CAMK1D: variants seen among roughly 807,000 people sequenced by gnomAD.
CAMK1D encodes the protein calcium/calmodulin-dependent protein kinase type 1D.
In CAMK1D, 9 loss-of-function variants were observed where a neutral mutation model predicts 47.7. The ratio of observed to expected loss-of-function variants is 0.19; its 90% confidence interval spans 0.11 to 0.33. The LOEUF is 0.33. Among genes scored for constraint, CAMK1D ranks in the 10% least tolerant of loss-of-function variants. The pLI, the probability that CAMK1D is intolerant of heterozygous loss-of-function variation, is 1.00. For synonymous variants in CAMK1D, 184 were observed against 184.9 expected, an observed-to-expected ratio of 0.99 and a Z score of 0.04; for missense variants, 291 against 488.7, an observed-to-expected ratio of 0.60 and a Z score of 3.81.
At chr10:12,353,367 A>C (rs948369809) in intron 1 of CAMK1D, among the ~76,000 whole-genome samples, 9 of 152,198 alleles carry the variant, frequency 5.9e-5, no homozygotes, top group Admixed American at 1.3e-4. Flanking sequence ...TGTATTTAAA[A>C]TAAAGCATTG....
chr10:12,670,505 A>G (rs1245645166), intron 3 of CAMK1D, among the ~76,000 whole-genome samples: 1 of 151,772 alleles, frequency 6.6e-6, no homozygotes, highest in African/African-American at 2.4e-5. Context: ...AAATTCATGG[A>G]AATCTGATTT....
At chr10:12,528,315 G>C (rs1023764953) in intron 1 of CAMK1D, among the ~76,000 whole-genome samples, 1 of 152,216 alleles carries the variant, frequency 6.6e-6, no homozygotes, top group Admixed American at 6.5e-5. Context: ...AATTGCCATA[G>C]GGATAAATGT....
chr10:12,433,034 C>T (rs1244573847), intron 1 of CAMK1D, among the ~76,000 whole-genome samples: 1 of 152,298 alleles, frequency 6.6e-6, no homozygotes, highest in East Asian at 1.9e-4. Context: ...CAGACTGTGC[C>T]CAGATGTGTT....
intron 2 of CAMK1D, among the ~76,000 whole-genome samples, chr10:12,665,491 G>A (rs1363916185): frequency 6.6e-6 from 1 of 152,180 alleles, no homozygotes; most frequent in African/African-American, 2.4e-5. Context: ...TCTGTGCTAG[G>A]CACCAGGAGC....
intron 3 of CAMK1D, among the ~76,000 whole-genome samples, chr10:12,683,231 T>TGC (rs1832517104): frequency 1.3e-5 from 2 of 151,890 alleles, no homozygotes; most frequent in African/African-American, 4.8e-5. Context: ...GGACTACAGG[T>TGC]GCGCACCACC....
At chr10:12,435,004 G>T (rs1453206245) in intron 1 of CAMK1D, among the ~76,000 whole-genome samples, 2 of 152,062 alleles carry the variant, frequency 1.3e-5, no homozygotes, top group Non-Finnish European at 2.9e-5. Flanking sequence ...GATCACCTGA[G>T]GTCAGGAGTT....
intron 1 of CAMK1D, among the ~76,000 whole-genome samples, chr10:12,492,281 C>T (rs183823862): frequency 3.5e-4 from 53 of 150,910 alleles, no homozygotes; most frequent in East Asian, 2.7e-3. Context: ...CTGCTATTGC[C>T]GCCATGGACA....
chr10:12,559,515 C>T lies in CAMK1D; in HGVS notation c.224+6159C>T, dbSNP rs996422376. On this transcript the variant is annotated intron_variant, in intron 2 of 10. Coordinates refer to ENST00000619168, the MANE Select transcript of CAMK1D (RefSeq NM_153498.4). ...AGGGTGGAGCTGCTCCGTATGATGA[C>T]TAGGAGTGTGGGCAGATGTGTACAG... 1.2e-4 allele frequency among the ~76,000 whole-genome samples: 19 copies of T among 152,116 alleles called. 1 individual carries two copies. Among genetic ancestry groups the T allele is most frequent in the African/African-American group, 4.1e-4 (17 of 41,390 alleles).
intron 2 of CAMK1D, among the ~76,000 whole-genome samples, chr10:12,645,431 G>C (rs1839785907): frequency 6.6e-6 from 1 of 152,162 alleles, no homozygotes; most frequent in Non-Finnish European, 1.5e-5. Context: ...TGACATGTGG[G>C]ATTCACTGGT....
chr10:12,698,274 A>T (rs1399460270), intron 3 of CAMK1D, among the ~76,000 whole-genome samples: 1 of 152,196 alleles, frequency 6.6e-6, no homozygotes, highest in African/African-American at 2.4e-5. Context: ...TGTTTAAGAC[A>T]TTTACAGTTA....
At chr10:12,699,993 T>A (rs1359101158) in intron 3 of CAMK1D, among the ~76,000 whole-genome samples, 3 of 149,484 alleles carry the variant, frequency 2.0e-5, no homozygotes. Context: ...ACATTTATTT[T>A]GGTGCAAAAA....
intron 1 of CAMK1D, among the ~76,000 whole-genome samples, chr10:12,457,070 A>G (rs1833272649): frequency 6.6e-6 from 1 of 152,134 alleles, no homozygotes; most frequent in Admixed American, 6.5e-5. Context: ...GTGGAACGCT[A>G]TGCAGCTGTT....
chr10:12,616,088 G>A (rs1190900642), intron 2 of CAMK1D, among the ~76,000 whole-genome samples: 1 of 151,704 alleles, frequency 6.6e-6, no homozygotes, highest in Non-Finnish European at 1.5e-5. Flanking sequence ...GTGTATTGGT[G>A]TGTATAGGTG....
At chr10:12,549,652 C>T (rs536183596) in intron 1 of CAMK1D, among the ~76,000 whole-genome samples, 4 of 152,322 alleles carry the variant, frequency 2.6e-5, no homozygotes, top group Admixed American at 2.0e-4. Flanking sequence ...CTGATGGAGA[C>T]TCCTTGGTCA....
In CAMK1D at chr10:12,453,802, T is replaced by C. The variant is rs182168384; in HGVS notation, c.93-99423T>C. ...CTAGGATACATTTTATCATGGAGCC[T>C]TGCCTGTTTTGTTCTGAGTTGTTAA... On this transcript the variant is annotated intron_variant, in intron 1 of 10. Transcript: ENST00000619168. 1.8e-3 allele frequency among the ~76,000 whole-genome samples: 274 copies of C among 152,354 alleles called. 2 individuals are homozygous for C. Among genetic ancestry groups the C allele is most frequent in the African/African-American group, 6.0e-3 (248 of 41,578 alleles).
chr10:12,828,687 G>C, intron 10 of CAMK1D, 82 bp from the exon 11 acceptor site: 106 of 978,672 alleles, frequency 1.1e-4, no homozygotes, highest in Middle Eastern at 2.6e-4. Flanking sequence ...CATAAACCCA[G>C]CCCCTCTGAC....
chr10:12,670,568 A>G (rs1840583503), intron 3 of CAMK1D, among the ~76,000 whole-genome samples: 1 of 148,476 alleles, frequency 6.7e-6, no homozygotes, highest in Non-Finnish European at 1.5e-5. Context: ...TTTTTTTTTG[A>G]GACGGATTCT....
chr10:12,369,227 A>G (rs1002884077), intron 1 of CAMK1D, among the ~76,000 whole-genome samples: 1 of 152,152 alleles, frequency 6.6e-6, no homozygotes, highest in Non-Finnish European at 1.5e-5. Context: ...GAGACGAGAA[A>G]CTCAGGAAGA....
chr10:12,793,379 G>A (rs1049530935), intron 6 of CAMK1D, among the ~76,000 whole-genome samples: 1 of 152,174 alleles, frequency 6.6e-6, no homozygotes, highest in African/African-American at 2.4e-5. Flanking sequence ...CAGCCTTGGG[G>A]TGGGGCATTG....
Sources: allele counts gnomAD v4.1 joint callset (sites outside exome capture counted in the v4.1 genomes callset), GRCh38; gene constraint gnomAD v4.1.1; transcripts MANE v1.5; gene names NCBI Gene and HGNC (gene_info 2026-07-23, HGNC 2026-07-21).